Variants in CCDC91 observed in about 807,000 individuals in gnomAD.
CCDC91 encodes coiled-coil domain containing 91, also known as coiled-coil domain-containing protein 91.
Under a neutral mutation model 63.2 loss-of-function variants are expected in CCDC91, and 48 were observed. The observed-to-expected ratio is 0.76, with a 90% CI of 0.60 to 0.97. The LOEUF (loss-of-function observed/expected upper bound fraction) is 0.97. CCDC91 is among the 50% of genes least tolerant of loss of function. The pLI is 0.00. For synonymous variants in CCDC91, 167 were observed against 165.8 expected (o/e 1.01, Z -0.06); for missense variants, 500 against 494.6 (o/e 1.01, Z -0.10).
At chr12:28,497,541 C>T (rs1952371119) in intron 12 of CCDC91, among the ~76,000 whole-genome samples, 1 of 151,494 alleles carries the variant, frequency 6.6e-6, no homozygotes, top group African/African-American at 2.4e-5. Context: ...CCATTTGAAT[C>T]TTTTCCAGAT....
chr12:28,257,063 A>T (rs2136168663), intron 1 of CCDC91, 139 bp from the exon 2 acceptor site: 1 of 520,664 alleles, frequency 1.9e-6, no homozygotes, highest in East Asian at 3.2e-5. Flanking sequence ...CCAATTGCAA[A>T]TTCTTTTTTG....
chr12:28,407,967 T>TTA (rs1947067490), intron 8 of CCDC91, among the ~76,000 whole-genome samples: 4 of 149,426 alleles, frequency 2.7e-5, no homozygotes, highest in Non-Finnish European at 5.9e-5. Context: ...TATATATATT[T>TTA]TTTTTATTTT....
At chr12:28,529,510 A>T (rs1230214088) in intron 12 of CCDC91, among the ~76,000 whole-genome samples, 1 of 152,172 alleles carries the variant, frequency 6.6e-6, no homozygotes, top group Non-Finnish European at 1.5e-5. Context: ...AGGCATTAGG[A>T]GCATGTTCAC....
At chr12:28,384,478 T>A (rs1159244419) in intron 7 of CCDC91, among the ~76,000 whole-genome samples, 1 of 152,142 alleles carries the variant, frequency 6.6e-6, no homozygotes, top group Non-Finnish European at 1.5e-5. Context: ...AAATCAATGC[T>A]ACATATTTTC....
At chr12:28,352,757 T>A (rs1429260545) in intron 6 of CCDC91, among the ~76,000 whole-genome samples, 1 of 149,908 alleles carries the variant, frequency 6.7e-6, no homozygotes, top group Admixed American at 6.8e-5. Flanking sequence ...AGATGTGCTG[T>A]CATCCACGCT....
At chr12:28,207,926 T>C (rs1591986575) in intron 1 of CCDC91, among the ~76,000 whole-genome samples, 2 of 152,252 alleles carry the variant, frequency 1.3e-5, no homozygotes, top group Non-Finnish European at 2.9e-5. Flanking sequence ...ACTTAGACCA[T>C]GGATTTTATT....
chr12:28,465,332 C>T (rs1231379820), intron 11 of CCDC91, among the ~76,000 whole-genome samples: 1 of 152,126 alleles, frequency 6.6e-6, no homozygotes, highest in Non-Finnish European at 1.5e-5. Context: ...GCCTTGCCAC[C>T]TCCTAATTGT....
intron 6 of CCDC91, among the ~76,000 whole-genome samples, chr12:28,318,372 A>G (rs1361271761): frequency 6.6e-6 from 1 of 151,398 alleles, no homozygotes; most frequent in Non-Finnish European, 1.5e-5. Flanking sequence ...AAAAAAAAAA[A>G]GAAACCAAAA....
intron 7 of CCDC91, among the ~76,000 whole-genome samples, chr12:28,376,865 G>A (rs777170297): frequency 2.5e-4 from 38 of 149,024 alleles, no homozygotes; most frequent in Non-Finnish European, 5.0e-4. Context: ...TCCAAAGGAA[G>A]TATTTAGTTG....
At chr12:28,493,990 T>G (rs1952150614) in intron 12 of CCDC91, among the ~76,000 whole-genome samples, 1 of 151,704 alleles carries the variant, frequency 6.6e-6, no homozygotes, top group Non-Finnish European at 1.5e-5. Context: ...ACAAGTTCAT[T>G]TTAGGCAGAT....
chr12:28,504,234 C>A (rs1422678797), intron 12 of CCDC91, among the ~76,000 whole-genome samples: 4 of 150,000 alleles, frequency 2.7e-5, no homozygotes, highest in Admixed American at 2.0e-4. Flanking sequence ...AAAAAAGTTT[C>A]AAAAAAAAAG....
intron 11 of CCDC91, among the ~76,000 whole-genome samples, chr12:28,475,797 A>G (rs1951053326): frequency 6.6e-6 from 1 of 152,006 alleles, no homozygotes; most frequent in South Asian, 2.1e-4. Context: ...CAGGCTCCAG[A>G]ACCATGAGGC....
rs756970250 is a variant in CCDC91 at position 28,305,776 on chromosome 12, C to T, written c.237C>T (p.Ser79=). 6.2e-6 allele frequency: 10 copies of T among 1,612,750 alleles called. No homozygotes were observed. Among genetic ancestry groups the T allele is most frequent in the Non-Finnish European group, 8.5e-6 (10 of 1,179,170 alleles). The change falls in exon 4 of 13, where the codon AGC becomes AGT. Residue 79 remains serine (S), a synonymous_variant. Transcript: ENST00000536442. ...CAGAGAATACACATGCAGCAAATAG[C>T]ATTGTGAGTCAAACTATTCCAAAAG... The part of the protein sequence containing the change: ...SSPENTHAAN[S]IVSQTIPKAQ...
chr12:28,350,732 TCTC>T (rs778578099), intron 6 of CCDC91, among the ~76,000 whole-genome samples: 7 of 152,130 alleles, frequency 4.6e-5, no homozygotes, highest in Admixed American at 6.5e-5. Flanking sequence ...TCTTTCCTGT[TCTC>T]CTCCAGTTTC....
chr12:28,333,152 T>C (rs1208249192), intron 6 of CCDC91, among the ~76,000 whole-genome samples: 1 of 151,922 alleles, frequency 6.6e-6, no homozygotes, highest in Non-Finnish European at 1.5e-5. Flanking sequence ...TTGCAGCACT[T>C]TGGGAGGCTG....
chr12:28,472,508 G>A (rs1462089223), intron 11 of CCDC91, among the ~76,000 whole-genome samples: 1 of 152,110 alleles, frequency 6.6e-6, no homozygotes, highest in Admixed American at 6.6e-5. Context: ...AATGAAAAGA[G>A]GAGAATTCTC....
At chr12:28,319,400 C>G (rs1940246833) in intron 6 of CCDC91, 2 of 151,914 alleles carry the variant, frequency 1.3e-5, no homozygotes, top group Admixed American at 1.3e-4. Context: ...AACATCTATT[C>G]TGTCAGCAGT....
intron 6 of CCDC91, among the ~76,000 whole-genome samples, chr12:28,340,154 T>A (rs1299040415): frequency 2.0e-5 from 3 of 152,212 alleles, no homozygotes; most frequent in Non-Finnish European, 4.4e-5. Flanking sequence ...TTTAACTCAT[T>A]TAAGAAACTA....
intron 12 of CCDC91, among the ~76,000 whole-genome samples, chr12:28,534,537 A>G (rs957657365): frequency 2.6e-5 from 4 of 152,130 alleles, no homozygotes; most frequent in African/African-American, 9.7e-5. Context: ...TTCTCAACCA[A>G]ATCCAGCACT....
Sources: allele counts gnomAD v4.1 joint callset (sites outside exome capture counted in the v4.1 genomes callset), GRCh38; gene constraint gnomAD v4.1.1; transcripts MANE v1.5; gene names NCBI Gene and HGNC (gene_info 2026-07-23, HGNC 2026-07-21).